The following CUTC variants were observed in gnomAD, a reference collection of about 807,000 sequenced individuals.
CUTC encodes the protein copper homeostasis protein cutC homolog.
CUTC carries 27 observed loss-of-function variants against 36.2 expected under a neutral mutation model. The observed-to-expected ratio is 0.75, with a 90% confidence interval of 0.55 to 1.03. The LOEUF (loss-of-function observed/expected upper bound fraction) is 1.03, where lower values mean the gene tolerates loss of function less well. Ranked by LOEUF, CUTC falls within the 50% of genes least tolerant of loss-of-function variation. CUTC has a pLI of 0.00. For missense variants in CUTC, 315 were observed against 343.5 expected, an observed-to-expected ratio of 0.92 and a Z score of 0.66; for synonymous variants, 114 against 118.3, an observed-to-expected ratio of 0.96 and a Z score of 0.24.
intron 1 of CUTC, 49 bp downstream of exon 1, chr10:99,732,458 G>A (rs1303260768): frequency 1.3e-6 from 2 of 1,547,524 alleles, no homozygotes; most frequent in East Asian, 2.4e-5. Flanking sequence ...GCTCCCCGGG[G>A]CGGGCCGGCG....
chr10:99,733,285 G>C (rs2037244984), intron 1 of CUTC, among the ~76,000 whole-genome samples: 1 of 151,880 alleles, frequency 6.6e-6, no homozygotes, highest in African/African-American at 2.4e-5. Flanking sequence ...CTCCACCCTG[G>C]GCGACAGAGC....
intron 1 of CUTC, 52 bp from the exon 2 acceptor site, chr10:99,736,194 G>A: frequency 6.7e-7 from 1 of 1,496,516 alleles, no homozygotes; most frequent in East Asian, 2.3e-5. Flanking sequence ...TGGTAAATTG[G>A]TCTGGATGGA....
chr10:99,750,348 T>C (rs756427470), intron 6 of CUTC, 21 bp from the exon 7 acceptor site: 1 of 1,221,484 alleles, frequency 8.2e-7, no homozygotes, highest in East Asian at 2.9e-5. Context: ...AATTCACTTG[T>C]TTTTTTTTTT....
chr10:99,747,915 C>T (rs2037390795), intron 6 of CUTC, among the ~76,000 whole-genome samples: 1 of 152,134 alleles, frequency 6.6e-6, no homozygotes, highest in African/African-American at 2.4e-5. Context: ...AATTCCAAAA[C>T]TAAAATTATA....
chr10:99,734,653 G>A (rs939577903), intron 1 of CUTC, among the ~76,000 whole-genome samples: 2 of 151,724 alleles, frequency 1.3e-5, no homozygotes, highest in Admixed American at 6.6e-5. Flanking sequence ...ATGTGCTCCC[G>A]GAAAAAAACT....
At position 99,754,619 on chromosome 10, in the gene CUTC, C is replaced by G. The variant is rs920986260; in HGVS notation, c.692C>G (p.Ser231Trp). 6.2e-7 allele frequency: 1 copy of G among 1,608,888 alleles called. No individual in the cohort carries two copies. Among genetic ancestry groups the G allele is most frequent in the African/African-American group, 1.3e-5 (1 of 74,702 alleles). ...FHCSARSTRD[S>W]GMKFRNSSVA... is the part of the protein sequence containing the mutation. ...TGTTCTGCTCGGTCTACTAGAGACT[C>G]GGGAATGAAGTTTCGGTAAAAATGT... The change falls in exon 8 of 9, where the codon TCG (serine) becomes TGG (tryptophan). Residue 231 changes from serine to tryptophan, a missense_variant. Ser to Trp is a radical substitution (Grantham distance 177). Coordinates refer to ENST00000370476, the MANE Select transcript of CUTC (RefSeq NM_015960.3).
At chr10:99,736,686 C>G (rs1055637196) in intron 2 of CUTC, among the ~76,000 whole-genome samples, 8 of 152,108 alleles carry the variant, frequency 5.3e-5, no homozygotes, top group Admixed American at 4.6e-4. Flanking sequence ...CTGTTGTACT[C>G]TGAACCTGTT....
At chr10:99,737,332 A>G (rs144864298) in intron 2 of CUTC, among the ~76,000 whole-genome samples, 1 of 152,186 alleles carries the variant, frequency 6.6e-6, no homozygotes, top group Non-Finnish European at 1.5e-5. Flanking sequence ...AAGTACTGAT[A>G]CATGCTATAA....
chr10:99,733,431 C>CA (rs1210007046), intron 1 of CUTC, among the ~76,000 whole-genome samples: 44 of 151,502 alleles, frequency 2.9e-4, no homozygotes, highest in African/African-American at 6.5e-4. Flanking sequence ...ACAACAACAA[C>CA]AAAAAAAGCA....
At chr10:99,733,076 A>T (rs2006077) in intron 1 of CUTC, among the ~76,000 whole-genome samples, 83,500 of 151,970 alleles carry the variant, frequency 0.55, 23,365 homozygotes, top group Middle Eastern at 0.69. Context: ...TGGGAGGCCG[A>T]GGGGGACAGA....
rs1399591051 is a variant in CUTC, at chr10:99,732,300, CA to C, written c.-46del. 1 of 1,549,150 alleles carries C rather than the reference CA, an allele frequency of 6.5e-7. No homozygotes were observed. The highest frequency in any genetic ancestry group is 8.7e-7 in the Non-Finnish European group (1 of 1,146,236). On this transcript the variant is annotated 5_prime_UTR_variant, in exon 1 of 9. Coordinates refer to ENST00000370476, the MANE Select transcript of CUTC (RefSeq NM_015960.3). Reference sequence around the variant, plus strand: ...TTCTTAGCTGGTGCGCGCCGGAGCCCAAATTCCAAGTGGAAACTGCAGGCGC... The same window carrying C: ...TTCTTAGCTGGTGCGCGCCGGAGCCCAATTCCAAGTGGAAACTGCAGGCGC...
intron 3 of CUTC, among the ~76,000 whole-genome samples, chr10:99,741,313 T>A (rs927022335): frequency 1.3e-5 from 2 of 152,206 alleles, no homozygotes; most frequent in African/African-American, 4.8e-5. Flanking sequence ...ATTTTGAAAT[T>A]TTCCTGTCTG....
At chr10:99,732,467 C>T in intron 1 of CUTC, 58 bp downstream of exon 1, 1 of 1,546,896 alleles carries the variant, frequency 6.5e-7, no homozygotes, top group Non-Finnish European at 8.7e-7. Flanking sequence ...GGCGGGCCGG[C>T]GGGAGTCGTA....
chr10:99,735,120 A>C (rs1050158634), intron 1 of CUTC, among the ~76,000 whole-genome samples: 10 of 151,340 alleles, frequency 6.6e-5, no homozygotes, highest in East Asian at 1.9e-4. Flanking sequence ...AAAAAAAAAA[A>C]AAAAAACAAA....
chr10:99,741,183 T>G (rs1225654179), intron 3 of CUTC, among the ~76,000 whole-genome samples: 1 of 152,228 alleles, frequency 6.6e-6, no homozygotes, highest in Non-Finnish European at 1.5e-5. Context: ...AACAGTTTGG[T>G]CCTTTTGGGT....
At chr10:99,745,919 T>C (rs1411297700) in intron 5 of CUTC, among the ~76,000 whole-genome samples, 4 of 152,220 alleles carry the variant, frequency 2.6e-5, no homozygotes, top group African/African-American at 9.6e-5. Flanking sequence ...CAACTACCCT[T>C]ATGCTATGAA....
chr10:99,744,053 G>A lies in CUTC; in HGVS notation c.420G>A (p.Leu140=), dbSNP rs991966545. 11 of 1,612,300 alleles carry A rather than the reference G, an allele frequency of 6.8e-6. No homozygotes were observed. The highest frequency in any genetic ancestry group is 1.7e-4 in the Middle Eastern group (1 of 6,058). Residue 140 remains leucine, a synonymous_variant, in exon 5 of 9, where the codon CTG becomes CTA. Coordinates refer to ENST00000370476, the MANE Select transcript of CUTC (RefSeq NM_015960.3). ...CMSLMAICRP[L]PVTFHRAFDM... ...TTTTTATAGCTATTTGCCGCCCTCT[G>A]CCAGTCACTTTCCACCGAGGTGAGT...
chr10:99,752,032 A>G (rs1290631993), intron 7 of CUTC, among the ~76,000 whole-genome samples: 2 of 152,180 alleles, frequency 1.3e-5, no homozygotes, highest in African/African-American at 4.8e-5. Flanking sequence ...TTTGGTCAGA[A>G]TACTTCATGG....
At chr10:99,750,334 T>C (rs1414618382) in intron 6 of CUTC, 35 bp from the exon 7 acceptor site, 3 of 1,540,702 alleles carry the variant, frequency 1.9e-6, no homozygotes, top group Middle Eastern at 1.7e-4. Context: ...GAGAAAGATA[T>C]TAAAATTCAC....
Sources: allele counts gnomAD v4.1 joint callset (sites outside exome capture counted in the v4.1 genomes callset), GRCh38; gene constraint gnomAD v4.1.1; transcripts MANE v1.5; gene names NCBI Gene and HGNC (gene_info 2026-07-23, HGNC 2026-07-21).